Variants in KLHL32 observed in about 807,000 individuals in gnomAD.
The protein encoded by KLHL32 is kelch-like protein 32.
KLHL32 carries 35 observed loss-of-function variants against 64.8 expected under a neutral mutation model. The ratio of observed to expected loss-of-function variants is 0.54; its 90% CI spans 0.41 to 0.72. The LOEUF is 0.72. Among genes scored for constraint, KLHL32 ranks in the 30% least tolerant of loss-of-function variants. KLHL32 has a pLI of 0.00. For synonymous variants in KLHL32, 259 were observed against 281.0 expected, an observed-to-expected ratio of 0.92 and a Z score of 0.78; for missense variants, 589 against 768.5, an observed-to-expected ratio of 0.77 and a Z score of 2.76.
chr6:96,930,447 G>A (rs1027720519), intron 1 of KLHL32, among the ~76,000 whole-genome samples: 1 of 152,094 alleles, frequency 6.6e-6, no homozygotes, highest in Non-Finnish European at 1.5e-5. Context: ...TGGGAATTAT[G>A]TTACCTAGAT....
intron 3 of KLHL32, among the ~76,000 whole-genome samples, chr6:96,981,276 G>A (rs1027886320): frequency 5.3e-5 from 8 of 152,062 alleles, no homozygotes; most frequent in African/African-American, 1.9e-4. Context: ...ATTTTTTCCT[G>A]GTTCAATTTG....
Position 97,126,181 on chromosome 6 carries a change from T to C in KLHL32, c.1355-1223T>C, listed in dbSNP as rs568642493. On this transcript the variant is annotated intron_variant, in intron 7 of 10. Transcript: ENST00000369261. Reference sequence around the variant, plus strand: ...TATTGAAAAATTAGCTGCTTCTTTGTGATACTGATTAAAATAAGAATATTA... The same window carrying C: ...TATTGAAAAATTAGCTGCTTCTTTGCGATACTGATTAAAATAAGAATATTA... Among the ~76,000 whole-genome samples the C allele has an allele frequency of 1.6e-3, 238 of 152,122 alleles. 1 individual carries two copies. Among genetic ancestry groups the C allele is most frequent in the Non-Finnish European group, 2.7e-3 (183 of 68,012 alleles).
At chr6:97,025,223 A>G (rs191178407) in intron 3 of KLHL32, 1 of 720,652 alleles carries the variant, frequency 1.4e-6, no homozygotes, top group Non-Finnish European at 1.7e-6. Flanking sequence ...CTGATTTGGA[A>G]CGAATTGTCC....
intron 10 of KLHL32, among the ~76,000 whole-genome samples, chr6:97,136,076 A>C (rs1799974824): frequency 6.6e-6 from 1 of 152,208 alleles, no homozygotes; most frequent in Non-Finnish European, 1.5e-5. Context: ...GTCAGTCACA[A>C]ATCTGTATAT....
At chr6:97,114,614 C>A (rs551058793) in intron 7 of KLHL32, 105 bp downstream of exon 7, 7 of 1,332,988 alleles carry the variant, frequency 5.3e-6, no homozygotes, top group South Asian at 5.0e-5. Flanking sequence ...AAAGATTGAA[C>A]CAAGCATGCC....
chr6:97,109,163 C>T (rs1796797382), intron 6 of KLHL32, among the ~76,000 whole-genome samples: 1 of 152,098 alleles, frequency 6.6e-6, no homozygotes, highest in Admixed American at 6.5e-5. Context: ...GACCAGAAAC[C>T]CCCGTGTAAT....
chr6:97,028,769 A>G (rs1035524116), intron 3 of KLHL32, among the ~76,000 whole-genome samples: 3 of 152,240 alleles, frequency 2.0e-5, no homozygotes, highest in African/African-American at 4.8e-5. Context: ...GATTCATTCA[A>G]TAATGGTTTA....
At chr6:97,071,878 CA>C (rs1472461087) in intron 5 of KLHL32, among the ~76,000 whole-genome samples, 5 of 152,286 alleles carry the variant, frequency 3.3e-5, no homozygotes, top group African/African-American at 1.2e-4. Context: ...TAATGCTAAT[CA>C]ACACTGGACA....
At chr6:96,992,641 G>C (rs943078057) in intron 3 of KLHL32, among the ~76,000 whole-genome samples, 1 of 152,308 alleles carries the variant, frequency 6.6e-6, no homozygotes, top group Admixed American at 6.5e-5. Context: ...CATTTCACTT[G>C]TTGGCATTTA....
intron 6 of KLHL32, among the ~76,000 whole-genome samples, chr6:97,103,610 G>T (rs1402151492): frequency 2.6e-5 from 4 of 152,138 alleles, no homozygotes; most frequent in Non-Finnish European, 5.9e-5. Flanking sequence ...ACAAGAGATG[G>T]TATTATTATT....
intron 5 of KLHL32, among the ~76,000 whole-genome samples, chr6:97,078,969 C>T (rs1194142666): frequency 2.0e-5 from 3 of 152,186 alleles, no homozygotes; most frequent in Non-Finnish European, 4.4e-5. Context: ...TCAGATGATT[C>T]TCAGCTTGTA....
At chr6:96,975,862 G>C in intron 2 of KLHL32, 135 bp from the exon 3 acceptor site, 1 of 497,408 alleles carries the variant, frequency 2.0e-6, no homozygotes. Context: ...GAAAGAAAAT[G>C]AGGGAACAGA....
intron 5 of KLHL32, among the ~76,000 whole-genome samples, chr6:97,065,093 GA>G (rs1180835314): frequency 6.6e-6 from 1 of 152,176 alleles, no homozygotes. Flanking sequence ...ACAAATGCAA[GA>G]AAAGTCTAAT....
intron 7 of KLHL32, among the ~76,000 whole-genome samples, chr6:97,118,555 G>T (rs920132669): frequency 6.8e-6 from 1 of 147,424 alleles, no homozygotes; most frequent in Non-Finnish European, 1.5e-5. Flanking sequence ...GGAGGTGGAG[G>T]TTGCAGTGAG....
chr6:97,106,280 G>T (rs987264756), intron 6 of KLHL32, among the ~76,000 whole-genome samples: 1 of 152,006 alleles, frequency 6.6e-6, no homozygotes, highest in African/African-American at 2.4e-5. Context: ...GACAAAATTT[G>T]TAGCATTTAG....
chr6:97,056,260 C>T (rs1787904825), intron 4 of KLHL32, among the ~76,000 whole-genome samples: 2 of 151,926 alleles, frequency 1.3e-5, no homozygotes, highest in East Asian at 1.9e-4. Flanking sequence ...CGCCCGCCAC[C>T]ACGCCCGGCT....
chr6:97,003,153 G>A (rs1414172770), intron 3 of KLHL32, among the ~76,000 whole-genome samples: 1 of 152,094 alleles, frequency 6.6e-6, no homozygotes, highest in Non-Finnish European at 1.5e-5. Flanking sequence ...AACCTTGCCA[G>A]CATCTGTTAT....
chr6:96,906,922 A>G, the KLHL32 span, among the ~76,000 whole-genome samples: 2 of 152,188 alleles, frequency 1.3e-5, no homozygotes, highest in Non-Finnish European at 2.9e-5. Flanking sequence ...CTTCCAGAGA[A>G]GTCTCCAGAG....
chr6:97,102,204 G>A (rs907316179), intron 6 of KLHL32, among the ~76,000 whole-genome samples: 28 of 152,154 alleles, frequency 1.8e-4, no homozygotes, highest in African/African-American at 6.8e-4. Context: ...CCTTGTGTCA[G>A]ATTTACCTCT....
Sources: gnomAD v4.1 joint callset for allele counts (sites outside exome capture counted in the v4.1 genomes callset) on GRCh38, gnomAD v4.1.1 for gene constraint, MANE v1.5 for transcripts, NCBI Gene and HGNC (gene_info 2026-07-23, HGNC 2026-07-21) for gene names.